The following TRPM6 variants were observed in gnomAD, a reference collection of about 807,000 sequenced individuals.
TRPM6 encodes the protein transient receptor potential cation channel subfamily M member 6, also known as channel kinase 2.
In TRPM6, 111 loss-of-function variants were observed where a neutral mutation model predicts 247.6. That is an observed-to-expected ratio of 0.45 (90% confidence interval 0.38 to 0.52). The LOEUF (loss-of-function observed/expected upper bound fraction) is 0.52, where lower values mean the gene tolerates loss of function less well. Ranked by LOEUF, TRPM6 falls within the 20% of genes least tolerant of loss-of-function variation. The pLI is 0.00. For missense variants in TRPM6, 2,126 were observed against 2,421.5 expected, an observed-to-expected ratio of 0.88 and a Z score of 2.56; for synonymous variants, 892 against 853.8, an observed-to-expected ratio of 1.04 and a Z score of -0.78.
Position 74,802,944 on chromosome 9 carries a change from C to T in TRPM6, c.1732-769G>A, listed in dbSNP as rs1828395983. 2.0e-5 allele frequency among the ~76,000 whole-genome samples: 3 copies of T among 152,244 alleles called. No homozygotes were observed. In the South Asian group the frequency reaches 6.2e-4, roughly 32 times the overall value. ...CTTTGAGGAAGATGAGACCATTTCTCGGACACAATTATATCCTCCCCTCCC... is the reference window on the plus strand; with the variant it reads ...CTTTGAGGAAGATGAGACCATTTCTTGGACACAATTATATCCTCCCCTCCC... On this transcript the variant is annotated intron_variant, in intron 15 of 38. Transcript: ENST00000360774.
intron 36 of TRPM6, among the ~76,000 whole-genome samples, chr9:74,736,279 G>A (rs1254715936): frequency 1.3e-5 from 2 of 152,140 alleles, no homozygotes; most frequent in Non-Finnish European, 1.5e-5. Context: ...AGTGGAACCA[G>A]AAGTCAGACT....
At position 74,820,216 on chromosome 9, in the gene TRPM6, GT is replaced by G. The variant is rs201215912; in HGVS notation, c.1134+87del. ...TTGTTCCCCTTCCTGTGTCCACCAT[GT>G]TTTTTTTTAATTGTGAAAATAAATA... On this transcript the variant is annotated intron_variant, in intron 9 of 38. Coordinates refer to ENST00000360774, the MANE Select transcript of TRPM6 (RefSeq NM_017662.5). 10,231 of 1,431,214 alleles carry G rather than the reference GT, an allele frequency of 7.1e-3. 33 individuals carry two copies. The highest frequency in any genetic ancestry group is 8.1e-3 in the Non-Finnish European group (8,382 of 1,029,530). The allele number at this position is 1,431,214 out of a possible 1,614,324, so 88.7% of individuals were successfully genotyped here.
intron 7 of TRPM6, 31 bp downstream of exon 7, chr9:74,827,747 G>T (rs1228886115): frequency 6.2e-7 from 1 of 1,612,506 alleles, no homozygotes; most frequent in East Asian, 2.2e-5. Context: ...CCTGCAACCA[G>T]ACTGGGTGAC....
chr9:74,734,621 T>C (rs1426524525), intron 36 of TRPM6, among the ~76,000 whole-genome samples: 1 of 152,172 alleles, frequency 6.6e-6, no homozygotes, highest in East Asian at 1.9e-4. Context: ...CTTAGCAAAG[T>C]GTCTGCCCCC....
chr9:74,751,585 T>C (rs1826247668), intron 29 of TRPM6, among the ~76,000 whole-genome samples: 1 of 152,134 alleles, frequency 6.6e-6, no homozygotes, highest in African/African-American at 2.4e-5. Flanking sequence ...TAAAATTAGG[T>C]TTCTTGGGTT....
At chr9:74,798,380 T>C (rs745649342) in intron 17 of TRPM6, among the ~76,000 whole-genome samples, 2 of 152,180 alleles carry the variant, frequency 1.3e-5, no homozygotes, top group Non-Finnish European at 2.9e-5. Flanking sequence ...TGTGTGTTTG[T>C]TTTTTGTCCA....
chr9:74,844,222 G>A (rs1830036043), intron 3 of TRPM6, among the ~76,000 whole-genome samples: 1 of 152,146 alleles, frequency 6.6e-6, no homozygotes, highest in Non-Finnish European at 1.5e-5. Flanking sequence ...TCGATCCAAG[G>A]TTCCCACAAA....
chr9:74,819,038 T>C (rs1342076714), intron 9 of TRPM6, among the ~76,000 whole-genome samples: 1 of 152,204 alleles, frequency 6.6e-6, no homozygotes, highest in Non-Finnish European at 1.5e-5. Context: ...CCGGGCACAG[T>C]GGCTTATGCC....
intron 19 of TRPM6, among the ~76,000 whole-genome samples, chr9:74,790,006 A>AGGAGTGTG (rs1827847457): frequency 7.5e-6 from 1 of 132,816 alleles, no homozygotes; most frequent in South Asian, 2.5e-4. Flanking sequence ...TGAGAGAAAA[A>AGGAGTGTG]TGTGTGTGTG....
At chr9:74,791,842 G>GC (rs1202857226) in intron 19 of TRPM6, among the ~76,000 whole-genome samples, 1 of 152,040 alleles carries the variant, frequency 6.6e-6, no homozygotes, top group African/African-American at 2.4e-5. Context: ...TGCAGGCTCT[G>GC]CCCCCTGGGG....
chr9:74,733,278 T>A (rs1301970722), intron 36 of TRPM6, among the ~76,000 whole-genome samples: 1 of 151,874 alleles, frequency 6.6e-6, no homozygotes, highest in African/African-American at 2.4e-5. Flanking sequence ...AAACTAAATA[T>A]AAAAAATTAA....
Position 74,839,577 on chromosome 9 carries a change from C to T in TRPM6, c.544+447G>A, listed in dbSNP as rs117681688. Among the ~76,000 whole-genome samples, 851 of 152,182 alleles carry T rather than the reference C, an allele frequency of 5.6e-3. 4 individuals are homozygous for T. Among genetic ancestry groups the T allele is most frequent in the Non-Finnish European group, 9.0e-3 (610 of 68,000 alleles). On this transcript the variant is annotated intron_variant, in intron 5 of 38. Coordinates refer to ENST00000360774, the MANE Select transcript of TRPM6 (RefSeq NM_017662.5). ...CACACACTATGCACTTGCATGGATT[C>T]GATGTCCCTTCTAGCCTTGCTGTAG...
chr9:74,868,111 A>G (rs10869453), intron 1 of TRPM6, among the ~76,000 whole-genome samples: 53,561 of 147,916 alleles, frequency 0.36, 9,859 homozygotes, highest in East Asian at 0.51. Flanking sequence ...CTGAGATTGC[A>G]CCCCTGTACT....
chr9:74,817,865 T>G (rs1273234296), intron 9 of TRPM6, among the ~76,000 whole-genome samples: 1 of 152,218 alleles, frequency 6.6e-6, no homozygotes, highest in Admixed American at 6.5e-5. Flanking sequence ...GTCCCAAGTA[T>G]GCCACTAACA....
chr9:74,783,263 A>G (rs2118930654), intron 21 of TRPM6, among the ~76,000 whole-genome samples: 1 of 152,362 alleles, frequency 6.6e-6, no homozygotes, highest in East Asian at 1.9e-4. Context: ...GGAATTGATT[A>G]GAGTCTAAGA....
intron 8 of TRPM6, among the ~76,000 whole-genome samples, chr9:74,821,299 G>C (rs1564030139): frequency 6.6e-6 from 1 of 152,104 alleles, no homozygotes; most frequent in African/African-American, 2.4e-5. Context: ...TTTCCATTAA[G>C]GGCAAATGAA....
intron 7 of TRPM6, among the ~76,000 whole-genome samples, chr9:74,823,566 C>A (rs1257215725): frequency 1.3e-5 from 2 of 152,150 alleles, no homozygotes; most frequent in Non-Finnish European, 2.9e-5. Context: ...CCATACACCT[C>A]CACCTCATTA....
chr9:74,800,601 A>G, intron 16 of TRPM6, 119 bp from the exon 17 acceptor site: 2 of 728,592 alleles, frequency 2.7e-6, no homozygotes, highest in Non-Finnish European at 4.7e-6. Flanking sequence ...AGAAAATATC[A>G]ATTCATAAGG....
Position 74,803,806 on chromosome 9 carries a change from T to G in TRPM6, c.1719A>C (p.Pro573=). Residue 573 remains proline (P), a synonymous_variant, in exon 15 of 39, where the codon CCA becomes CCC. Coordinates refer to ENST00000360774, the MANE Select transcript of TRPM6 (RefSeq NM_017662.5). ...LHSQFIRTAQ[P]YKFKEKSIVL... The stretch of plus-strand genomic sequence containing the variant: ...AAGTAAATGGTACCTTGAATTTGTA[T>G]GGCTGTGCAGTTCTAATGAACTGGG... 1 of 1,610,738 alleles carries G rather than the reference T, an allele frequency of 6.2e-7. No individual in the cohort carries two copies. The highest frequency in any genetic ancestry group is 8.5e-7 in the Non-Finnish European group (1 of 1,176,844).
Sources: gnomAD v4.1 joint callset for allele counts (sites outside exome capture counted in the v4.1 genomes callset) on GRCh38, gnomAD v4.1.1 for gene constraint, MANE v1.5 for transcripts, NCBI Gene and HGNC (gene_info 2026-07-23, HGNC 2026-07-21) for gene names.